KIF11: variants seen among roughly 807,000 people sequenced by gnomAD.
The protein encoded by KIF11 is kinesin-like protein KIF11.
KIF11 carries 9 observed loss-of-function variants against 121.0 expected under a neutral mutation model. That is an observed-to-expected ratio of 0.07 (90% confidence interval 0.04 to 0.13). The LOEUF (loss-of-function observed/expected upper bound fraction) is 0.13. KIF11 is among the 10% of genes least tolerant of loss of function. The pLI is 1.00. For missense variants in KIF11, 846 were observed against 1,217.5 expected (o/e 0.69, Z 4.54); for synonymous variants, 408 against 421.0 (o/e 0.97, Z 0.38).
chr10:92,607,108 G>C, intron 3 of KIF11, 51 bp from the exon 4 acceptor site: 1 of 1,058,952 alleles, frequency 9.4e-7, no homozygotes, highest in Non-Finnish European at 1.5e-6. Flanking sequence ...ATCACTAAGA[G>C]TCATATGGGT....
chr10:92,649,583 A>G (rs1844958267), intron 19 of KIF11, among the ~76,000 whole-genome samples: 2 of 152,152 alleles, frequency 1.3e-5, no homozygotes, highest in Admixed American at 1.3e-4. Flanking sequence ...CATCTTTTAT[A>G]TATCCTCAGA....
chr10:92,601,383 G>A (rs369772114), intron 1 of KIF11, among the ~76,000 whole-genome samples: 8 of 147,120 alleles, frequency 5.4e-5, no homozygotes, highest in Admixed American at 1.4e-4. Context: ...TTTTTTTCTC[G>A]TATTTTTAGT....
chr10:92,637,100 A>AAAGT, intron 14 of KIF11, 84 bp from the exon 15 acceptor site: 1 of 1,041,700 alleles, frequency 9.6e-7, no homozygotes, highest in Non-Finnish European at 1.4e-6. Flanking sequence ...TTTAGCTACC[A>AAAGT]AAGTATTTAA....
At chr10:92,612,716 T>C (rs891778647) in intron 6 of KIF11, among the ~76,000 whole-genome samples, 2 of 152,198 alleles carry the variant, frequency 1.3e-5, no homozygotes, top group African/African-American at 4.8e-5. Context: ...GAATAGAAGA[T>C]GATTACAAGC....
chr10:92,636,513 G>T (rs560503135), intron 14 of KIF11, among the ~76,000 whole-genome samples: 1 of 152,110 alleles, frequency 6.6e-6, no homozygotes, highest in East Asian at 1.9e-4. Context: ...CTACTTGGGA[G>T]GCTGAGGCAG....
chr10:92,633,827 G>T (rs776165701), intron 14 of KIF11, 32 bp downstream of exon 14: 3 of 1,364,686 alleles, frequency 2.2e-6, no homozygotes, highest in South Asian at 2.5e-5. Context: ...TTTTTGAAGG[G>T]TTGCATTTGA....
intron 9 of KIF11, among the ~76,000 whole-genome samples, chr10:92,618,357 A>T (rs1844581673): frequency 6.6e-6 from 1 of 151,734 alleles, no homozygotes; most frequent in Non-Finnish European, 1.5e-5. Flanking sequence ...TAATACAGAG[A>T]AAACAGGCCA....
intron 19 of KIF11, 84 bp from the exon 20 acceptor site, chr10:92,649,751 G>C (rs1484464852): frequency 2.3e-6 from 2 of 873,462 alleles, no homozygotes; most frequent in Non-Finnish European, 3.5e-6. Flanking sequence ...TAGAAGACAA[G>C]ATTAATTAGG....
chr10:92,593,315 C>A lies in KIF11; in HGVS notation c.-61C>A. 3 of 1,536,250 alleles carry A rather than the reference C, an allele frequency of 2.0e-6. No individual in the cohort carries two copies. Among genetic ancestry groups the A allele is most frequent in the East Asian group, 4.7e-5 (2 of 42,166 alleles). On this transcript the variant is annotated 5_prime_UTR_variant, in exon 1 of 22. Coordinates refer to ENST00000260731, the MANE Select transcript of KIF11 (RefSeq NM_004523.4). ...TCCGGCCCCTGTCGGCCGCCAAGCC[C>A]CTCCGCCCCTCACAGCGCCCAGGTC...
intron 21 of KIF11, among the ~76,000 whole-genome samples, chr10:92,651,870 C>CA (rs1361947318): frequency 6.7e-6 from 1 of 149,640 alleles, no homozygotes; most frequent in Non-Finnish European, 1.5e-5. Context: ...CAAGCCTAGA[C>CA]AGAGTGTGTG....
chr10:92,630,115 C>A, intron 11 of KIF11, 61 bp from the exon 12 acceptor site: 2 of 861,890 alleles, frequency 2.3e-6, no homozygotes, highest in South Asian at 2.2e-5. Context: ...TTTTTCTAAT[C>A]TTATGAACTA....
At chr10:92,601,737 T>G (rs1375825583) in intron 1 of KIF11, among the ~76,000 whole-genome samples, 1 of 151,598 alleles carries the variant, frequency 6.6e-6, no homozygotes, top group Non-Finnish European at 1.5e-5. Flanking sequence ...AGATGGGGTC[T>G]CGCTATGTTT....
At chr10:92,597,637 GGTTTGTTT>G (rs199828144) in intron 1 of KIF11, among the ~76,000 whole-genome samples, 44 of 150,872 alleles carry the variant, frequency 2.9e-4, no homozygotes, top group African/African-American at 4.4e-4. Context: ...TTTTCCCTTG[GGTTTGTTT>G]GTTTGTTTGT....
intron 20 of KIF11, 85 bp downstream of exon 20, chr10:92,650,071 TACCCCTCAATC>T: frequency 9.8e-7 from 1 of 1,025,314 alleles, no homozygotes; most frequent in Non-Finnish European, 1.4e-6. Flanking sequence ...TTTTACTGTT[TACCCCTCAATC>T]TTACCCCGCC....
chr10:92,622,551 G>A (rs1238893167), intron 10 of KIF11, among the ~76,000 whole-genome samples: 1 of 152,030 alleles, frequency 6.6e-6, no homozygotes, highest in Non-Finnish European at 1.5e-5. Flanking sequence ...GGAGGCAGAG[G>A]TTGCAGTGAG....
intron 13 of KIF11, among the ~76,000 whole-genome samples, chr10:92,633,192 C>T (rs966921543): frequency 1.3e-4 from 20 of 152,146 alleles, no homozygotes; most frequent in African/African-American, 4.8e-4. Context: ...ATACTATCCT[C>T]ATTATGGAAA....
chr10:92,653,391 C>T (rs1052798984), intron 21 of KIF11, among the ~76,000 whole-genome samples: 1 of 152,158 alleles, frequency 6.6e-6, no homozygotes, highest in Non-Finnish European at 1.5e-5. Flanking sequence ...CTGATGAGAA[C>T]CACTACCCTG....
chr10:92,641,114 A>G (rs1844862190), intron 17 of KIF11, among the ~76,000 whole-genome samples: 1 of 152,152 alleles, frequency 6.6e-6, no homozygotes, highest in African/African-American at 2.4e-5. Flanking sequence ...AACATACACT[A>G]CAGTCAGACC....
chr10:92,648,108 CAA>C (rs34357393), intron 18 of KIF11, 102 bp from the exon 19 acceptor site: 14,067 of 670,992 alleles, frequency 0.021, no homozygotes, highest in East Asian at 0.059. Context: ...GACTTGTCTC[CAA>C]AAAAAAAAAA....
Sources: gnomAD v4.1 joint callset for allele counts (sites outside exome capture counted in the v4.1 genomes callset) on GRCh38, gnomAD v4.1.1 for gene constraint, MANE v1.5 for transcripts, NCBI Gene and HGNC (gene_info 2026-07-23, HGNC 2026-07-21) for gene names.